Variants in ZC3H13 observed in about 807,000 individuals in gnomAD.
ZC3H13 encodes the protein zinc finger CCCH-type containing 13.
In ZC3H13, 64 loss-of-function variants were observed where a neutral mutation model predicts 204.1. The observed-to-expected ratio is 0.31, with a 90% CI of 0.26 to 0.39. The LOEUF is 0.39. Ranked by LOEUF, ZC3H13 falls within the 10% of genes least tolerant of loss-of-function variation. The pLI is 1.00. For missense variants in ZC3H13, 1,833 were observed against 2,082.7 expected, an observed-to-expected ratio of 0.88 and a Z score of 2.33; for synonymous variants, 667 against 693.7, an observed-to-expected ratio of 0.96 and a Z score of 0.60.
rs558283293 is a variant in ZC3H13 at position 46,012,721 on chromosome 13, T to G, written c.449-1167A>C. Reference sequence around the variant, plus strand: ...TGTTTTTCAGTCAGAAAGCAATTACTAAATATTTAATTAAGGGCAAGTAGT... The same window carrying G: ...TGTTTTTCAGTCAGAAAGCAATTACGAAATATTTAATTAAGGGCAAGTAGT... On this transcript the variant is annotated intron_variant, in intron 5 of 18. Transcript: ENST00000679008. 2.6e-5 allele frequency among the ~76,000 whole-genome samples: 4 copies of G among 152,314 alleles called. No individual in the cohort carries two copies. In the South Asian group the frequency reaches 8.3e-4, roughly 32 times the overall value.
intron 4 of ZC3H13, among the ~76,000 whole-genome samples, chr13:46,040,672 C>T (rs1002199266): frequency 2.6e-5 from 4 of 152,054 alleles, no homozygotes; most frequent in African/African-American, 9.7e-5. Context: ...TGATAACACA[C>T]AGAATGGGAG....
chr13:45,966,542 T>C (rs1251618101), intron 15 of ZC3H13, among the ~76,000 whole-genome samples: 1 of 152,290 alleles, frequency 6.6e-6, no homozygotes, highest in East Asian at 1.9e-4. Context: ...TTCTATTCTA[T>C]ATTATCTGTG....
chr13:45,960,865 G>A (rs1046039066), intron 17 of ZC3H13, among the ~76,000 whole-genome samples: 25 of 152,286 alleles, frequency 1.6e-4, no homozygotes, highest in African/African-American at 5.3e-4. Flanking sequence ...ATACATAGCC[G>A]ATTTCAATTT....
intron 8 of ZC3H13, among the ~76,000 whole-genome samples, chr13:45,995,823 T>G (rs1390908138): frequency 6.6e-6 from 1 of 152,196 alleles, no homozygotes; most frequent in East Asian, 1.9e-4. Flanking sequence ...ATAAGTTACC[T>G]TGTCCCAGGT....
chr13:45,968,987 T>G lies in ZC3H13; in HGVS notation c.3557A>C (p.Gln1186Pro), dbSNP rs1488956155. The G allele has an allele frequency of 6.2e-7, 1 of 1,614,156 alleles. No homozygotes were observed. Among genetic ancestry groups the G allele is most frequent in the Non-Finnish European group, 8.5e-7 (1 of 1,180,054 alleles). ...EDAQHRKPMDQKRSSSLGSNR... is the reference protein window; with the variant it reads ...EDAQHRKPMDPKRSSSLGSNR... ...GCTCCCGAGGCTGCTGCTCCTCTTT[T>G]GATCCATAGGCTTGCGATGCTGTGC... Residue 1186 changes from glutamine to proline, a missense_variant, in exon 14 of 19, where the codon CAA (glutamine) becomes CCA (proline). By Grantham distance (76) the Gln-to-Pro change is moderately conservative (BLOSUM62 -1). Around this residue, in one of 5 missense-constraint regions of ZC3H13, gnomAD observed 1,574 missense variants for 1,757.2 expected, o/e 0.90. Transcript: ENST00000679008.
In ZC3H13 at chr13:45,985,313, A is replaced by G. The variant is rs750506341; in HGVS notation, c.1704T>C (p.Pro568=). 2.7e-5 allele frequency: 43 copies of G among 1,612,940 alleles called. No individual in the cohort carries two copies. Among genetic ancestry groups the G allele is most frequent in the Non-Finnish European group, 3.2e-5 (38 of 1,179,448 alleles). Residue 568 remains proline (P), a synonymous_variant, in exon 10 of 19, where the codon CCT becomes CCC. Transcript: ENST00000679008. ...AAACCTTACCCTTTTCAGGTAACTC[A>G]GGAACCCTCCCCCTACTTCGGCCCA... ...DRMGRSRGRV[P]ELPEKGSRGS...
intron 4 of ZC3H13, among the ~76,000 whole-genome samples, chr13:46,025,844 G>A (rs543928225): frequency 3.3e-5 from 5 of 150,822 alleles, no homozygotes; most frequent in Admixed American, 6.6e-5. Context: ...TAGGGTTTTC[G>A]ACCTTAATGT....
chr13:46,040,396 AAAG>A (rs1356837982), intron 4 of ZC3H13, among the ~76,000 whole-genome samples: 2 of 152,144 alleles, frequency 1.3e-5, no homozygotes, highest in Admixed American at 1.3e-4. Flanking sequence ...TCCACATGCA[AAAG>A]AATAAGGCTG....
chr13:46,024,003 G>A (rs983413900), intron 4 of ZC3H13, among the ~76,000 whole-genome samples: 2 of 152,194 alleles, frequency 1.3e-5, no homozygotes, highest in South Asian at 2.1e-4. Context: ...AAATGGCTTA[G>A]GCCTGCTTCC....
intron 9 of ZC3H13, among the ~76,000 whole-genome samples, chr13:45,988,166 C>CA (rs2039688092): frequency 1.3e-5 from 2 of 152,130 alleles, no homozygotes; most frequent in Non-Finnish European, 2.9e-5. Context: ...GACATTAACT[C>CA]AGTGATTGAA....
chr13:45,966,210 A>G (rs1028222429), intron 15 of ZC3H13, among the ~76,000 whole-genome samples: 3 of 152,194 alleles, frequency 2.0e-5, no homozygotes, highest in South Asian at 4.1e-4. Flanking sequence ...CTAACCATAC[A>G]TTTCACTGAA....
chr13:46,042,309 C>A (rs565793847), intron 3 of ZC3H13, 34 bp from the exon 4 acceptor site: 3 of 1,474,910 alleles, frequency 2.0e-6, no homozygotes, highest in South Asian at 1.2e-5. Context: ...AAACAAAAAA[C>A]GAAACAAAAC....
At position 45,979,866 on chromosome 13, in the gene ZC3H13, G is replaced by T. The variant is rs1953398309; in HGVS notation, c.1859C>A (p.Ser620Tyr). Residue 620 changes from serine to tyrosine, a missense_variant, in exon 11 of 19, where the codon TCT becomes TAT. Physicochemically the swap from Ser to Tyr is moderately radical, Grantham distance 144. Transcript: ENST00000679008. ...CTCTCCATGTCTTCTCTCAAAGGAA[G>T]AATCCCTTGCTTGATCTCTGTTGTC... ...ERDNRDQARD[S>Y]SFERRHGERD... is the part of the protein sequence containing the mutation. The T allele has an allele frequency of 6.2e-7, 1 of 1,605,240 alleles. No homozygotes were observed. The highest frequency in any genetic ancestry group is 8.5e-7 in the Non-Finnish European group (1 of 1,176,094).
In ZC3H13 at chr13:45,967,591, A is replaced by C; in HGVS notation, c.4234T>G (p.Leu1412Val). 1.2e-6 allele frequency: 2 copies of C among 1,613,608 alleles called. No individual in the cohort carries two copies. Among genetic ancestry groups the C allele is most frequent in the Admixed American group, 3.3e-5 (2 of 59,954 alleles). Residue 1412 changes from leucine to valine, a missense_variant, in exon 15 of 19, where the codon TTG (leucine) becomes GTG (valine). Transcript: ENST00000679008. ...LESTSRDSLALDKERMDKDLG... is the reference protein window; with the variant it reads ...LESTSRDSLAVDKERMDKDLG... ...TCTTTATCCATTCTCTCTTTATCCA[A>C]GGCTAGAGAGTCTCGGGAAGTGCTT...
At chr13:45,977,279 A>G (rs1389032668) in intron 11 of ZC3H13, among the ~76,000 whole-genome samples, 2 of 152,196 alleles carry the variant, frequency 1.3e-5, no homozygotes, top group African/African-American at 4.8e-5. Flanking sequence ...GAGTCATACC[A>G]ACATCATAAT....
chr13:46,020,422 C>T (rs1475113729), intron 5 of ZC3H13, 27 bp downstream of exon 5: 1 of 1,557,148 alleles, frequency 6.4e-7, no homozygotes, highest in African/African-American at 1.4e-5. Flanking sequence ...AAGAATTCGC[C>T]ATTTAAACCA....
intron 1 of ZC3H13, among the ~76,000 whole-genome samples, chr13:46,049,432 C>T (rs1378600972): frequency 1.3e-5 from 2 of 152,086 alleles, no homozygotes; most frequent in African/African-American, 2.4e-5. Flanking sequence ...TTCTGATCAT[C>T]CATGTAAAAA....
intron 6 of ZC3H13, among the ~76,000 whole-genome samples, chr13:46,011,064 A>G (rs1480502527): frequency 6.6e-6 from 1 of 152,178 alleles, no homozygotes; most frequent in East Asian, 1.9e-4. Context: ...ATCATAAATT[A>G]TATTTAAATT....
chr13:45,963,487 T>A, intron 17 of ZC3H13: 1 of 1,037,762 alleles, frequency 9.6e-7, no homozygotes, highest in South Asian at 3.4e-5. Flanking sequence ...GGTGGCTCAA[T>A]CATGGCTCAC....
Sources: allele counts gnomAD v4.1 joint callset (sites outside exome capture counted in the v4.1 genomes callset), GRCh38; gene constraint gnomAD v4.1.1; regional missense constraint gnomAD v4.1.1; transcripts MANE v1.5; gene names NCBI Gene and HGNC (gene_info 2026-07-23, HGNC 2026-07-21).